FRAS1: variants seen among roughly 807,000 people sequenced by gnomAD.
FRAS1 encodes the protein Fraser extracellular matrix complex subunit 1, also known as extracellular matrix organizing protein FRAS1.
FRAS1 carries 290 observed loss-of-function variants against 435.2 expected under a neutral mutation model. That is an observed-to-expected ratio of 0.67 (90% confidence interval 0.61 to 0.73). FRAS1 has a LOEUF of 0.73. Among genes scored for constraint, FRAS1 ranks in the 30% least tolerant of loss-of-function variants. The pLI, the probability that FRAS1 is intolerant of heterozygous loss-of-function variation, is 0.00. For missense variants in FRAS1, 4,860 were observed against 5,001.5 expected (o/e 0.97, Z 0.85); for synonymous variants, 1,800 against 1,851.0 (o/e 0.97, Z 0.71).
intron 2 of FRAS1, among the ~76,000 whole-genome samples, chr4:78,121,712 C>T (rs760055486): frequency 6.6e-6 from 1 of 152,144 alleles, no homozygotes; most frequent in Non-Finnish European, 1.5e-5. Flanking sequence ...TAGACTGGAC[C>T]GTGTGTGTTT....
intron 32 of FRAS1, among the ~76,000 whole-genome samples, chr4:78,415,587 A>C (rs1272762091): frequency 6.6e-6 from 1 of 152,146 alleles, no homozygotes; most frequent in East Asian, 1.9e-4. Context: ...GAGGAGCAAC[A>C]GGTGAAAAAA....
chr4:78,186,845 A>G lies in FRAS1; in HGVS notation c.109-50665A>G, dbSNP rs569328393. On this transcript the variant is annotated intron_variant, in intron 2 of 73. Transcript: ENST00000512123. ...CTTCTTTTCATTCTGCTGCTCTGCTATGTCTAATTATGCCTAAACTCCAGC... is the reference window on the plus strand; with the variant it reads ...CTTCTTTTCATTCTGCTGCTCTGCTGTGTCTAATTATGCCTAAACTCCAGC... Among the ~76,000 whole-genome samples, 4 of 152,312 alleles carry G rather than the reference A, an allele frequency of 2.6e-5. No individual in the cohort carries two copies. In the East Asian group the frequency reaches 5.8e-4, roughly 22 times the overall value.
intron 20 of FRAS1, among the ~76,000 whole-genome samples, chr4:78,361,516 T>C (rs1283196360): frequency 1.3e-5 from 2 of 152,216 alleles, no homozygotes; most frequent in South Asian, 4.1e-4. Context: ...CAGACTCTTG[T>C]GGCTTAACTT....
At chr4:78,331,628 C>G (rs749808762) in intron 18 of FRAS1, among the ~76,000 whole-genome samples, 26 of 152,138 alleles carry the variant, frequency 1.7e-4, no homozygotes, top group Non-Finnish European at 3.1e-4. Context: ...CTGGTCCTTC[C>G]AAGCCAGCTG....
chr4:78,065,294 G>GTA, intron 1 of FRAS1, among the ~76,000 whole-genome samples: 1 of 149,464 alleles, frequency 6.7e-6, no homozygotes, highest in East Asian at 2.0e-4. Flanking sequence ...ATATGTAATG[G>GTA]TATATATAGT....
At chr4:78,324,725 T>C (rs1303433075) in intron 18 of FRAS1, among the ~76,000 whole-genome samples, 3 of 146,506 alleles carry the variant, frequency 2.0e-5, no homozygotes, top group Non-Finnish European at 3.0e-5. Context: ...TTTTTTTTTT[T>C]TTTTTTCTGC....
At position 78,416,073 on chromosome 4, in the gene FRAS1, C is replaced by T. The variant is rs563970440; in HGVS notation, c.4426-2876C>T. On this transcript the variant is annotated intron_variant, in intron 32 of 73. Transcript: ENST00000512123. Reference sequence around the variant, plus strand: ...ATGGATAAAGAAAATGTGATACAGACGTACACACACAGAGAGAGAGGAATA... The same window carrying T: ...ATGGATAAAGAAAATGTGATACAGATGTACACACACAGAGAGAGAGGAATA... Among the ~76,000 whole-genome samples the T allele has an allele frequency of 3.9e-5, 6 of 152,174 alleles. No individual in the cohort carries two copies. The South Asian group carries it at 6.2e-4, about 16-fold the overall frequency.
At chr4:78,091,623 T>TTGTGTGTGTGTGTGTG (rs10631175) in intron 2 of FRAS1, among the ~76,000 whole-genome samples, 7 of 148,202 alleles carry the variant, frequency 4.7e-5, no homozygotes, top group Admixed American at 1.3e-4. Flanking sequence ...ACACGTGTGT[T>TTGTGTGTGTGTGTGTG]TGTGTGTGTG....
chr4:78,459,480 G>A (rs1180156228), intron 47 of FRAS1, among the ~76,000 whole-genome samples: 3 of 152,244 alleles, frequency 2.0e-5, no homozygotes, highest in African/African-American at 7.2e-5. Context: ...ACCTAAGAGA[G>A]TGGTGGGAGT....
At chr4:78,132,403 G>A (rs1236698016) in intron 2 of FRAS1, among the ~76,000 whole-genome samples, 2 of 152,188 alleles carry the variant, frequency 1.3e-5, no homozygotes, top group Non-Finnish European at 2.9e-5. Context: ...CTAAGCAATA[G>A]CACCACATAT....
At chr4:78,356,053 G>A (rs753261652) in intron 20 of FRAS1, among the ~76,000 whole-genome samples, 11 of 152,074 alleles carry the variant, frequency 7.2e-5, no homozygotes, top group Non-Finnish European at 1.0e-4. Context: ...CAGTTTATTG[G>A]GTCACATAGT....
At chr4:78,382,012 AGTTTGTGTT>A (rs1732041695) in intron 27 of FRAS1, among the ~76,000 whole-genome samples, 1 of 152,210 alleles carries the variant, frequency 6.6e-6, no homozygotes, top group African/African-American at 2.4e-5. Flanking sequence ...CTGCCACATC[AGTTTGTGTT>A]TTGTTTTGTT....
chr4:78,317,545 C>G, intron 17 of FRAS1, 37 bp downstream of exon 17: 1 of 1,570,476 alleles, frequency 6.4e-7, no homozygotes. Context: ...GAGAGGCTAT[C>G]CCACAAGAAC....
rs182159908 is a variant in FRAS1 at position 78,226,721 on chromosome 4, A to G, written c.109-10789A>G. ...GCAATTCTTGAATTTGTGGCTTGGT[A>G]TTTTTCTTCAGTTTTGGAAAATTCT... On this transcript the variant is annotated intron_variant, in intron 2 of 73. Transcript: ENST00000512123. Among the ~76,000 whole-genome samples, 467 of 151,736 alleles carry G rather than the reference A, an allele frequency of 3.1e-3. 5 individuals are homozygous for G. Among genetic ancestry groups the G allele is most frequent in the Non-Finnish European group, 4.5e-3 (303 of 67,850 alleles).
intron 2 of FRAS1, among the ~76,000 whole-genome samples, chr4:78,205,369 T>A (rs919723044): frequency 2.6e-5 from 4 of 152,144 alleles, no homozygotes; most frequent in Admixed American, 2.0e-4. Context: ...ACCCAGCTAA[T>A]TTTTTGTAGA....
intron 23 of FRAS1, among the ~76,000 whole-genome samples, chr4:78,372,242 G>C (rs1469913050): frequency 6.6e-6 from 1 of 152,200 alleles, no homozygotes; most frequent in East Asian, 1.9e-4. Context: ...GGTTTTGAGA[G>C]ATAGAAACCC....
intron 51 of FRAS1, among the ~76,000 whole-genome samples, chr4:78,470,605 A>G (rs1308186783): frequency 6.6e-6 from 1 of 152,258 alleles, no homozygotes; most frequent in African/African-American, 2.4e-5. Context: ...TACAAATTTT[A>G]AAAATATAGT....
chr4:78,128,439 G>A (rs1242592256), intron 2 of FRAS1, among the ~76,000 whole-genome samples: 16 of 152,072 alleles, frequency 1.1e-4, no homozygotes, highest in South Asian at 4.2e-4. Context: ...TTTAATGATC[G>A]CCATTCTAAC....
At chr4:78,404,996 G>T (rs1056190540) in intron 30 of FRAS1, among the ~76,000 whole-genome samples, 1 of 152,196 alleles carries the variant, frequency 6.6e-6, no homozygotes, top group Non-Finnish European at 1.5e-5. Context: ...GGTAGGAGCT[G>T]CATGTGGCCT....
Sources: gnomAD v4.1 joint callset for allele counts (sites outside exome capture counted in the v4.1 genomes callset) on GRCh38, gnomAD v4.1.1 for gene constraint, MANE v1.5 for transcripts, NCBI Gene and HGNC (gene_info 2026-07-23, HGNC 2026-07-21) for gene names.